The following AFG2A variants were observed in gnomAD, a reference collection of about 807,000 sequenced individuals.
AFG2A encodes ATPase family gene 2 protein homolog A.
At chr4:123,307,065 AACTTGTCTATTCACCTAT>A in the AFG2A span, among the ~76,000 whole-genome samples, 1 of 152,168 alleles carries the variant, frequency 6.6e-6, no homozygotes. Flanking sequence ...CTGTGATTCA[AACTTGTCTATTCACCTAT>A]ACATCTACTC....
the AFG2A span, among the ~76,000 whole-genome samples, chr4:123,136,807 A>G: frequency 6.7e-6 from 1 of 149,288 alleles, no homozygotes; most frequent in Non-Finnish European, 1.5e-5. Context: ...ATGCCATTAC[A>G]CTCCAGCCTG....
At chr4:123,225,723 A>G in the AFG2A span, among the ~76,000 whole-genome samples, 1 of 152,120 alleles carries the variant, frequency 6.6e-6, no homozygotes, top group Admixed American at 6.5e-5. Flanking sequence ...TGAACTTTCA[A>G]GTAGTTTTTT....
At chr4:123,137,753 C>A in the AFG2A span, among the ~76,000 whole-genome samples, 2 of 152,126 alleles carry the variant, frequency 1.3e-5, no homozygotes, top group East Asian at 3.9e-4. Flanking sequence ...GTTTTTCATT[C>A]TTCGGTTTTC....
At chr4:123,049,046 C>G in the AFG2A span, among the ~76,000 whole-genome samples, 9 of 151,994 alleles carry the variant, frequency 5.9e-5, no homozygotes, top group African/African-American at 1.9e-4. Context: ...CTTCAATACC[C>G]TGTTTATTGA....
chr4:123,028,104 G>A, the AFG2A span: 2 of 1,168,308 alleles, frequency 1.7e-6, no homozygotes, highest in South Asian at 1.5e-5. Flanking sequence ...CAGTTCTTCT[G>A]TTAATGATAT....
chr4:123,027,809 A>T, the AFG2A span, among the ~76,000 whole-genome samples: 1 of 152,176 alleles, frequency 6.6e-6, no homozygotes, highest in Admixed American at 6.5e-5. Context: ...TTGCTAAAAA[A>T]CAGGTATAAG....
chr4:123,152,853 A>G, the AFG2A span, among the ~76,000 whole-genome samples: 1 of 152,258 alleles, frequency 6.6e-6, no homozygotes, highest in South Asian at 2.1e-4. Context: ...AGCAAGGGAT[A>G]GCTGACATCT....
chr4:123,143,276 C>T, the AFG2A span, among the ~76,000 whole-genome samples: 1 of 151,636 alleles, frequency 6.6e-6, no homozygotes, highest in African/African-American at 2.4e-5. Context: ...TTTTCCCTTT[C>T]AATTCTAATG....
the AFG2A span, among the ~76,000 whole-genome samples, chr4:123,188,938 A>G: frequency 2.6e-5 from 4 of 152,260 alleles, no homozygotes; most frequent in African/African-American, 9.6e-5. Flanking sequence ...TTCTAAATGC[A>G]TTTTCTTCTT....
the AFG2A span, among the ~76,000 whole-genome samples, chr4:122,980,290 A>C: frequency 6.6e-6 from 1 of 152,200 alleles, no homozygotes; most frequent in East Asian, 1.9e-4. Flanking sequence ...TGTTCCCCAG[A>C]TTCATCCATG....
the AFG2A span, among the ~76,000 whole-genome samples, chr4:123,264,307 T>C: frequency 6.6e-6 from 1 of 152,122 alleles, no homozygotes; most frequent in Non-Finnish European, 1.5e-5. Context: ...AAATCACCAC[T>C]AAAGAACTTA....
At chr4:123,138,173 G>A in the AFG2A span, among the ~76,000 whole-genome samples, 1 of 152,044 alleles carries the variant, frequency 6.6e-6, no homozygotes, top group Non-Finnish European at 1.5e-5. Flanking sequence ...CCTTTCTTGG[G>A]ATATTTCCTA....
the AFG2A span, among the ~76,000 whole-genome samples, chr4:122,935,361 T>C: frequency 6.8e-4 from 104 of 152,280 alleles, no homozygotes; most frequent in African/African-American, 2.4e-3. Context: ...AGATGGTTAG[T>C]TGGAAAAAAA....
chr4:123,197,322 T>G, the AFG2A span, among the ~76,000 whole-genome samples: 1 of 152,234 alleles, frequency 6.6e-6, no homozygotes, highest in East Asian at 1.9e-4. Flanking sequence ...TTCCGTTACT[T>G]CTTAAATCAT....
At chr4:123,303,127 TA>T in the AFG2A span, among the ~76,000 whole-genome samples, 1 of 152,222 alleles carries the variant, frequency 6.6e-6, no homozygotes, top group Non-Finnish European at 1.5e-5. Context: ...TACTCTGTTT[TA>T]TCATATTATT....
At chr4:123,114,562 G>A in the AFG2A span, among the ~76,000 whole-genome samples, 1 of 152,194 alleles carries the variant, frequency 6.6e-6, no homozygotes, top group Non-Finnish European at 1.5e-5. Flanking sequence ...CAACAACGCT[G>A]GGACCAGGAA....
chr4:122,947,235 A>G, the AFG2A span: 1 of 1,575,624 alleles, frequency 6.3e-7, no homozygotes, highest in South Asian at 1.2e-5. Flanking sequence ...TTTGTTAGGA[A>G]GTAAGTGAAG....
the AFG2A span, among the ~76,000 whole-genome samples, chr4:123,003,752 A>AG: frequency 1.3e-5 from 2 of 151,944 alleles, no homozygotes; most frequent in African/African-American, 4.8e-5. Flanking sequence ...CTCGGTGGTC[A>AG]GGGGTCAGGG....
chr4:123,051,557 C>T, the AFG2A span, among the ~76,000 whole-genome samples: 8 of 149,672 alleles, frequency 5.3e-5, no homozygotes, highest in East Asian at 9.9e-4. Context: ...ATAACAATAA[C>T]GTTAATGTTC....
Sources: allele counts gnomAD v4.1 joint callset (sites outside exome capture counted in the v4.1 genomes callset), GRCh38; gene constraint gnomAD v4.1.1; transcripts MANE v1.5; gene names NCBI Gene and HGNC (gene_info 2026-07-23, HGNC 2026-07-21).